DPP4: variants seen among roughly 807,000 people sequenced by gnomAD.
DPP4 encodes ADCP-2.
DPP4 carries 93 observed loss-of-function variants against 122.4 expected under a neutral mutation model. The observed-to-expected ratio is 0.76, with a 90% CI of 0.64 to 0.90. The LOEUF (loss-of-function observed/expected upper bound fraction) is 0.90. DPP4 is among the 40% of genes least tolerant of loss of function. The pLI is 0.00. For missense variants in DPP4, 914 were observed against 907.3 expected (o/e 1.01, Z -0.09); for synonymous variants, 321 against 302.9 (o/e 1.06, Z -0.62).
intron 8 of DPP4, among the ~76,000 whole-genome samples, chr2:162,037,548 A>C (rs2106122600): frequency 6.6e-6 from 1 of 152,342 alleles, no homozygotes; most frequent in East Asian, 1.9e-4. Context: ...AAAGAAGAAA[A>C]AAATAATACG....
At chr2:162,029,242 G>A (rs902989546) in intron 10 of DPP4, among the ~76,000 whole-genome samples, 3 of 152,130 alleles carry the variant, frequency 2.0e-5, no homozygotes, top group South Asian at 2.1e-4. Flanking sequence ...TTGTGTAAAT[G>A]TTTCTTTTGG....
chr2:162,074,114 G>A lies in DPP4; in HGVS notation c.-133C>T, dbSNP rs1685226199. The A allele has an allele frequency of 6.9e-7, 1 of 1,457,682 alleles. No homozygotes were observed. The highest frequency in any genetic ancestry group is 9.1e-7 in the Non-Finnish European group (1 of 1,103,898). The allele number at this position is 1,457,682 out of a possible 1,614,324, so 90.3% of individuals were successfully genotyped here. On this transcript the variant is annotated 5_prime_UTR_variant, in exon 1 of 26. Coordinates refer to ENST00000360534, the MANE Select transcript of DPP4 (RefSeq NM_001935.4). ...CTCGCCGCTGGCAAGTTTCGGCCCCGAGTTAAACATTAGTGAGCGCCGAGC... is the reference window on the plus strand; with the variant it reads ...CTCGCCGCTGGCAAGTTTCGGCCCCAAGTTAAACATTAGTGAGCGCCGAGC...
At chr2:162,024,221 C>T (rs1019009426) in intron 11 of DPP4, among the ~76,000 whole-genome samples, 1 of 152,236 alleles carries the variant, frequency 6.6e-6, no homozygotes, top group Non-Finnish European at 1.5e-5. Context: ...TAACTTTGAC[C>T]GTCATCCTAG....
intron 2 of DPP4, among the ~76,000 whole-genome samples, chr2:162,055,605 G>A (rs566840225): frequency 4.0e-4 from 61 of 151,752 alleles, no homozygotes; most frequent in African/African-American, 1.4e-3. Flanking sequence ...TGAGTCATGA[G>A]AGGTTGCAGT....
rs376181519 is a variant in DPP4, at chr2:161,994,967, C to T, written c.2193G>A (p.Gln731=). Residue 731 remains glutamine, a synonymous_variant, in exon 25 of 26, where the codon CAG becomes CAA. Transcript: ENST00000360534. The part of the protein sequence containing the change: ...KALVDVGVDF[Q]AMWYTDEDHG... ...GCACAAAGTTTTTCTATACCATTGC[C>T]TGGAAATCCACTCCAACATCGACCA... The T allele has an allele frequency of 1.2e-5, 20 of 1,614,066 alleles. No individual in the cohort carries two copies. The highest frequency in any genetic ancestry group is 1.7e-5 in the Non-Finnish European group (20 of 1,179,966).
intron 20 of DPP4, among the ~76,000 whole-genome samples, chr2:162,011,053 T>G (rs1682685421): frequency 6.6e-6 from 1 of 152,146 alleles, no homozygotes; most frequent in African/African-American, 2.4e-5. Flanking sequence ...CCTAACCTAA[T>G]AGTCTCTATT....
intron 2 of DPP4, among the ~76,000 whole-genome samples, chr2:162,060,940 C>T (rs996772450): frequency 1.5e-5 from 2 of 136,162 alleles, no homozygotes; most frequent in African/African-American, 5.4e-5. Flanking sequence ...TTCCTAGCTT[C>T]CTTCCTTCCT....
chr2:162,028,469 C>T (rs1683423555), intron 10 of DPP4, among the ~76,000 whole-genome samples: 1 of 152,198 alleles, frequency 6.6e-6, no homozygotes, highest in Admixed American at 6.5e-5. Flanking sequence ...CTATGCTTTG[C>T]ATACTGCATG....
At chr2:162,018,407 AT>A (rs2106098304) in intron 16 of DPP4, among the ~76,000 whole-genome samples, 1 of 152,286 alleles carries the variant, frequency 6.6e-6, no homozygotes, top group East Asian at 1.9e-4. Context: ...AGCCACATAC[AT>A]TTTCTCATTG....
chr2:162,016,424 C>T (rs1322253932), intron 18 of DPP4, among the ~76,000 whole-genome samples: 1 of 152,170 alleles, frequency 6.6e-6, no homozygotes, highest in Non-Finnish European at 1.5e-5. Context: ...TCCTTGACCT[C>T]TTTGGGTTAA....
chr2:162,002,791 T>A (rs550204516), intron 23 of DPP4, among the ~76,000 whole-genome samples: 3 of 152,054 alleles, frequency 2.0e-5, no homozygotes, highest in Non-Finnish European at 2.9e-5. Context: ...AATCTTTGAA[T>A]GTATTCCTGC....
At chr2:162,054,280 G>A (rs1334270776) in intron 2 of DPP4, among the ~76,000 whole-genome samples, 1 of 152,178 alleles carries the variant, frequency 6.6e-6, no homozygotes, top group African/African-American at 2.4e-5. Context: ...ATTTCACAGA[G>A]TCACAGCTGG....
At chr2:162,037,855 C>T (rs1043524977) in intron 8 of DPP4, among the ~76,000 whole-genome samples, 7 of 152,048 alleles carry the variant, frequency 4.6e-5, no homozygotes, top group African/African-American at 1.7e-4. Flanking sequence ...AATACAAATC[C>T]TCTATAAAAT....
chr2:162,032,081 A>G (rs1268078228), intron 10 of DPP4: 2 of 152,264 alleles, frequency 1.3e-5, no homozygotes, highest in Non-Finnish European at 2.9e-5. Flanking sequence ...ATGCAACTCC[A>G]GAGAAAATGG....
rs1682725586 is a variant in DPP4 at position 162,012,124 on chromosome 2, C to A, written c.1638-137G>T. The A allele has an allele frequency of 5.7e-6, 4 of 701,642 alleles. No individual in the cohort carries two copies. The African/African-American group carries it at 7.2e-5, about 13-fold the overall frequency. The allele number at this position is 701,642 out of a possible 1,614,324, so 43.5% of individuals were successfully genotyped here. On this transcript the variant is annotated intron_variant, in intron 19 of 25. Coordinates refer to ENST00000360534, the MANE Select transcript of DPP4 (RefSeq NM_001935.4). Reference sequence around the variant, plus strand: ...AAACTGTGCCAGCCTATGGGGTGTCCAGAATGAGTCCTCTAAAACTTAGCA... The same window carrying A: ...AAACTGTGCCAGCCTATGGGGTGTCAAGAATGAGTCCTCTAAAACTTAGCA...
At chr2:162,043,244 G>A (rs558378478) in intron 5 of DPP4, among the ~76,000 whole-genome samples, 5 of 152,220 alleles carry the variant, frequency 3.3e-5, no homozygotes, top group East Asian at 3.9e-4. Flanking sequence ...CAAGCATGCC[G>A]AGTGCAGGAG....
chr2:161,999,295 A>G (rs1204324236), intron 23 of DPP4, among the ~76,000 whole-genome samples: 2 of 152,230 alleles, frequency 1.3e-5, no homozygotes, highest in Admixed American at 6.5e-5. Context: ...ATGATTAATG[A>G]TTAGAAAAAA....
At chr2:162,022,308 G>T (rs532767819) in intron 12 of DPP4, among the ~76,000 whole-genome samples, 1 of 152,350 alleles carries the variant, frequency 6.6e-6, no homozygotes, top group South Asian at 2.1e-4. Context: ...AAAGAGAGGT[G>T]CATAGTGGGC....
At position 162,048,718 on chromosome 2, in the gene DPP4, G is replaced by T. The variant is rs1684275772; in HGVS notation, c.95-1217C>A. On this transcript the variant is annotated intron_variant, in intron 2 of 25. Transcript: ENST00000360534. ...CATCTCTTTCATGAAGACTAGTTCT[G>T]CCCCCTCTGACTTTTGCCCCAACAC... Among the ~76,000 whole-genome samples the T allele has an allele frequency of 1.3e-5, 2 of 152,064 alleles. 1 individual carries two copies. The highest frequency in any genetic ancestry group is 4.2e-4 in the South Asian group (2 of 4,816).
Sources: allele counts gnomAD v4.1 joint callset (sites outside exome capture counted in the v4.1 genomes callset), GRCh38; gene constraint gnomAD v4.1.1; transcripts MANE v1.5; gene names NCBI Gene and HGNC (gene_info 2026-07-23, HGNC 2026-07-21).